AGMO: variants seen among roughly 807,000 people sequenced by gnomAD.
AGMO encodes the protein alkylglycerol monooxygenase.
In AGMO, 75 loss-of-function variants were observed where a neutral mutation model predicts 60.2. The observed-to-expected ratio is 1.25, with a 90% confidence interval of 1.03 to 1.51. The LOEUF (loss-of-function observed/expected upper bound fraction) is 1.51. Ranked by LOEUF, AGMO falls within the 40% of genes most tolerant of loss-of-function variation. The probability of loss-of-function intolerance (pLI) is 0.00; values close to 1 mark genes in which losing one functional copy is unlikely to be tolerated. For missense variants in AGMO, 763 were observed against 525.5 expected, an observed-to-expected ratio of 1.45 and a Z score of -4.42; for synonymous variants, 261 against 177.1, an observed-to-expected ratio of 1.47 and a Z score of -3.76.
At chr7:15,524,925 A>AAT (rs1003729837) in intron 3 of AGMO, among the ~76,000 whole-genome samples, 1 of 151,930 alleles carries the variant, frequency 6.6e-6, no homozygotes, top group African/African-American at 2.4e-5. Flanking sequence ...ACACACAAAT[A>AAT]ATATATATAG....
chr7:15,466,978 C>A (rs1114314), intron 3 of AGMO, among the ~76,000 whole-genome samples: 105 of 152,068 alleles, frequency 6.9e-4, no homozygotes, highest in Middle Eastern at 6.8e-3. Flanking sequence ...AAGGTAAGGA[C>A]AAATTAGAAA....
intron 4 of AGMO, among the ~76,000 whole-genome samples, chr7:15,419,875 T>C (rs1287976301): frequency 6.6e-6 from 1 of 152,048 alleles, no homozygotes; most frequent in African/African-American, 2.4e-5. Flanking sequence ...TAAAACATAG[T>C]CATCCTTTTT....
intron 12 of AGMO, among the ~76,000 whole-genome samples, chr7:15,359,242 TCACGC>T (rs1270289372): frequency 6.3e-5 from 9 of 143,204 alleles, no homozygotes; most frequent in Non-Finnish European, 1.2e-4. Flanking sequence ...TGAGCCGAGA[TCACGC>T]CACTGCACTG....
At chr7:15,189,253 C>T in the AGMO span, among the ~76,000 whole-genome samples, 12 of 151,826 alleles carry the variant, frequency 7.9e-5, no homozygotes, top group Non-Finnish European at 1.6e-4. Flanking sequence ...AGGGAAATGG[C>T]CTTATTATTA....
intron 3 of AGMO, among the ~76,000 whole-genome samples, chr7:15,469,606 G>A (rs183780894): frequency 6.6e-6 from 1 of 152,168 alleles, no homozygotes; most frequent in African/African-American, 2.4e-5. Flanking sequence ...AGAGATGAGG[G>A]CATTCAAGAC....
At chr7:15,359,109 G>A (rs1782651720) in intron 12 of AGMO, among the ~76,000 whole-genome samples, 3 of 151,950 alleles carry the variant, frequency 2.0e-5, no homozygotes, top group African/African-American at 7.2e-5. Flanking sequence ...CTAACATGGT[G>A]AAACCCCGTC....
At chr7:15,241,342 C>T (rs954437989) in intron 12 of AGMO, among the ~76,000 whole-genome samples, 1 of 150,802 alleles carries the variant, frequency 6.6e-6, no homozygotes, top group African/African-American at 2.4e-5. Context: ...CGCCTGTAAT[C>T]CCAGCTACTC....
Position 15,460,290 on chromosome 7 carries a change from T to C in AGMO, c.410-29182A>G, listed in dbSNP as rs4448154. On this transcript the variant is annotated intron_variant, in intron 3 of 12. Coordinates refer to ENST00000342526, the MANE Select transcript of AGMO (RefSeq NM_001004320.2). ...TTTTAGTAGAGATGGGGTTTCGCCA[T>C]GTTGGCCAGGCTGGTCTCAAACTCC... Among the ~76,000 whole-genome samples the C allele has an allele frequency of 8.9e-3, 1,356 of 152,156 alleles. 40 individuals carry two copies. The highest frequency in any genetic ancestry group is 0.067 in the Admixed American group (1,029 of 15,250).
At chr7:15,301,545 T>G (rs959687739) in intron 12 of AGMO, among the ~76,000 whole-genome samples, 1 of 151,414 alleles carries the variant, frequency 6.6e-6, no homozygotes, top group South Asian at 2.1e-4. Context: ...TAGTTCTCAA[T>G]ACATTTTCTA....
At chr7:15,229,752 T>C (rs1051716869) in intron 12 of AGMO, among the ~76,000 whole-genome samples, 10 of 147,524 alleles carry the variant, frequency 6.8e-5, no homozygotes, top group Non-Finnish European at 1.3e-4. Context: ...TATATATAAA[T>C]AATTAGTTAT....
chr7:15,419,652 C>T (rs1223688500), intron 4 of AGMO, among the ~76,000 whole-genome samples: 1 of 150,462 alleles, frequency 6.6e-6, no homozygotes, highest in Non-Finnish European at 1.5e-5. Context: ...ATAAAAATTT[C>T]AACTGTCATC....
chr7:15,535,174 ACT>A (rs1009948913), intron 3 of AGMO, among the ~76,000 whole-genome samples: 14 of 151,790 alleles, frequency 9.2e-5, no homozygotes, highest in African/African-American at 3.4e-4. Flanking sequence ...CTATTATCTT[ACT>A]CTCTATTTAC....
intron 12 of AGMO, among the ~76,000 whole-genome samples, chr7:15,285,126 T>A (rs919130455): frequency 6.6e-6 from 1 of 151,614 alleles, no homozygotes; most frequent in Non-Finnish European, 1.5e-5. Flanking sequence ...AATGTCATAC[T>A]GAATGGTGAA....
intron 12 of AGMO, among the ~76,000 whole-genome samples, chr7:15,329,521 A>T (rs1781440038): frequency 6.6e-6 from 1 of 152,202 alleles, no homozygotes; most frequent in East Asian, 1.9e-4. Flanking sequence ...ATTTGTTTTT[A>T]AAATTAAAAT....
At chr7:15,298,031 A>G (rs1784453282) in intron 12 of AGMO, among the ~76,000 whole-genome samples, 1 of 152,184 alleles carries the variant, frequency 6.6e-6, no homozygotes, top group Non-Finnish European at 1.5e-5. Context: ...AACATATCCC[A>G]TTAAAGGGAG....
chr7:15,345,256 T>C (rs764341848), intron 12 of AGMO, among the ~76,000 whole-genome samples: 70 of 152,214 alleles, frequency 4.6e-4, no homozygotes, highest in Non-Finnish European at 6.6e-4. Flanking sequence ...AGTTTTTTTC[T>C]CTTGCTGTTC....
chr7:15,160,027 A>AAT, the AGMO span, among the ~76,000 whole-genome samples: 1 of 152,148 alleles, frequency 6.6e-6, no homozygotes, highest in African/African-American at 2.4e-5. Flanking sequence ...GGTGAATGCT[A>AAT]ATATATCACT....
chr7:15,292,839 C>T (rs556421545), intron 12 of AGMO, among the ~76,000 whole-genome samples: 5 of 141,290 alleles, frequency 3.5e-5, no homozygotes, highest in Non-Finnish European at 7.5e-5. Context: ...CTCACTGCAA[C>T]CTCCGCCTCC....
intron 12 of AGMO, among the ~76,000 whole-genome samples, chr7:15,351,846 A>G (rs979275110): frequency 6.6e-6 from 1 of 152,228 alleles, no homozygotes; most frequent in Admixed American, 6.5e-5. Flanking sequence ...TAAATGAATC[A>G]TTGAGAAAGT....
Sources: gnomAD v4.1 joint callset for allele counts (sites outside exome capture counted in the v4.1 genomes callset) on GRCh38, gnomAD v4.1.1 for gene constraint, MANE v1.5 for transcripts, NCBI Gene and HGNC (gene_info 2026-07-23, HGNC 2026-07-21) for gene names.